Variants in CDYL observed in about 807,000 individuals in gnomAD.
CDYL encodes chromodomain Y like, also known as chromodomain Y-like protein.
CDYL carries 8 observed loss-of-function variants against 47.3 expected under a neutral mutation model. That is an observed-to-expected ratio of 0.17 (90% CI 0.10 to 0.31). The LOEUF (loss-of-function observed/expected upper bound fraction) is 0.31. Ranked by LOEUF, CDYL falls within the 10% of genes least tolerant of loss-of-function variation. The pLI, the probability that CDYL is intolerant of heterozygous loss-of-function variation, is 1.00. For synonymous variants in CDYL, 266 were observed against 265.0 expected, an observed-to-expected ratio of 1.00 and a Z score of -0.04; for missense variants, 471 against 701.4, an observed-to-expected ratio of 0.67 and a Z score of 3.71.
At chr6:4,949,675 A>G (rs1758637798) in intron 5 of CDYL, among the ~76,000 whole-genome samples, 1 of 152,220 alleles carries the variant, frequency 6.6e-6, no homozygotes, top group African/African-American at 2.4e-5. Context: ...ATCTGTGTGA[A>G]TCGGTTATTT....
intron 1 of CDYL, among the ~76,000 whole-genome samples, chr6:4,867,669 C>T (rs150067793): frequency 1.3e-5 from 2 of 151,898 alleles, no homozygotes; most frequent in African/African-American, 2.4e-5. Flanking sequence ...GGGATAAACT[C>T]TGCCTGGTCA....
At chr6:4,712,876 G>A (rs1407077840) in intron 1 of CDYL, among the ~76,000 whole-genome samples, 2 of 152,218 alleles carry the variant, frequency 1.3e-5, no homozygotes, top group Admixed American at 6.5e-5. Flanking sequence ...ATGTGAGCCT[G>A]GGCACTGTGG....
chr6:4,787,765 C>CT (rs70974136), intron 1 of CDYL, among the ~76,000 whole-genome samples: 35,412 of 69,514 alleles, frequency 0.51, 7,436 homozygotes, highest in East Asian at 0.65. Context: ...AAATTCAAGT[C>CT]TTTTTTTTTT....
chr6:4,927,972 C>T (rs954663935), intron 2 of CDYL, among the ~76,000 whole-genome samples: 1 of 152,276 alleles, frequency 6.6e-6, no homozygotes, highest in Admixed American at 6.5e-5. Context: ...CATGTATCCT[C>T]ATCATAGAAG....
At chr6:4,719,230 A>C (rs1315504168) in intron 2 of CDYL, among the ~76,000 whole-genome samples, 2 of 152,182 alleles carry the variant, frequency 1.3e-5, no homozygotes, top group African/African-American at 4.8e-5. Context: ...TCCACTTTTA[A>C]ATTGCTTTTA....
At chr6:4,780,285 A>G in intron 1 of CDYL, among the ~76,000 whole-genome samples, 1 of 145,400 alleles carries the variant, frequency 6.9e-6, no homozygotes, top group South Asian at 2.2e-4. Flanking sequence ...GCTGATGTGC[A>G]GTGGCTTCAT....
At chr6:4,931,527 C>T (rs1466953642) in intron 2 of CDYL, among the ~76,000 whole-genome samples, 2 of 152,090 alleles carry the variant, frequency 1.3e-5, no homozygotes, top group African/African-American at 4.8e-5. Flanking sequence ...GACATGAGAA[C>T]CCCGGGTGAT....
intron 5 of CDYL, among the ~76,000 whole-genome samples, chr6:4,951,109 A>G (rs1345464177): frequency 1.3e-5 from 2 of 152,102 alleles, no homozygotes; most frequent in Non-Finnish European, 2.9e-5. Flanking sequence ...AGACATTGAC[A>G]GAAGGTGTAT....
At chr6:4,847,455 G>A (rs1323237369) in intron 1 of CDYL, among the ~76,000 whole-genome samples, 1 of 152,098 alleles carries the variant, frequency 6.6e-6, no homozygotes. Context: ...CTCTAGCTGA[G>A]CATCTTGTGT....
At chr6:4,852,183 A>G (rs929583028) in intron 1 of CDYL, among the ~76,000 whole-genome samples, 2 of 152,156 alleles carry the variant, frequency 1.3e-5, no homozygotes, top group African/African-American at 4.8e-5. Context: ...CTGAATCTTC[A>G]GTGGGTGTTA....
At chr6:4,846,457 C>T (rs1295321078) in intron 1 of CDYL, among the ~76,000 whole-genome samples, 1 of 152,086 alleles carries the variant, frequency 6.6e-6, no homozygotes, top group Non-Finnish European at 1.5e-5. Flanking sequence ...ATGACAAAAT[C>T]ATTATAATAC....
intron 1 of CDYL, among the ~76,000 whole-genome samples, chr6:4,836,695 A>C (rs1760318893): frequency 6.6e-6 from 1 of 152,232 alleles, no homozygotes; most frequent in South Asian, 2.1e-4. Flanking sequence ...GAGGCAGAAA[A>C]GAACTGTTTA....
intron 1 of CDYL, among the ~76,000 whole-genome samples, chr6:4,825,240 G>C (rs1304259757): frequency 3.3e-5 from 5 of 152,114 alleles, no homozygotes; most frequent in South Asian, 2.1e-4. Context: ...CTAGTATATA[G>C]AAACACTCTG....
At chr6:4,872,253 C>G (rs1400246841) in intron 1 of CDYL, among the ~76,000 whole-genome samples, 1 of 151,434 alleles carries the variant, frequency 6.6e-6, no homozygotes, top group Non-Finnish European at 1.5e-5. Flanking sequence ...ACCTTTACAC[C>G]AAGAGCTTAC....
At chr6:4,868,365 T>C (rs1160872879) in intron 1 of CDYL, among the ~76,000 whole-genome samples, 1 of 152,018 alleles carries the variant, frequency 6.6e-6, no homozygotes, top group African/African-American at 2.4e-5. Context: ...ACTGATGGCT[T>C]CTTTTTTAGA....
chr6:4,869,828 T>C lies in CDYL; in HGVS notation c.25-21885T>C, dbSNP rs189100851. Among the ~76,000 whole-genome samples, 51 of 152,320 alleles carry C rather than the reference T, an allele frequency of 3.3e-4. 1 individual carries two copies. The highest frequency in any genetic ancestry group is 3.1e-3 in the Admixed American group (47 of 15,298). On this transcript the variant is annotated intron_variant, in intron 1 of 6. Transcript: ENST00000397588. ...GTAATTAATGCTTTATACAATGTTA[T>C]GTCATTTAAATAAAGAGAAGAAGCA...
At chr6:4,734,239 AACT>A (rs1433814969) in intron 2 of CDYL, among the ~76,000 whole-genome samples, 1 of 131,706 alleles carries the variant, frequency 7.6e-6, no homozygotes, top group African/African-American at 2.7e-5. Context: ...CTGACAGTCA[AACT>A]CTCTCTCTGG....
At chr6:4,753,185 GA>G (rs1436339519) in intron 3 of CDYL, among the ~76,000 whole-genome samples, 1 of 152,160 alleles carries the variant, frequency 6.6e-6, no homozygotes, top group Non-Finnish European at 1.5e-5. Context: ...GTGGGGGATG[GA>G]AAGCATGAGC....
At chr6:4,710,366 AGGG>A (rs1489412003) in intron 1 of CDYL, among the ~76,000 whole-genome samples, 11 of 114,426 alleles carry the variant, frequency 9.6e-5, no homozygotes, top group Admixed American at 6.1e-4. Context: ...GGAGGGAAGG[AGGG>A]AGGGAGGGAG....
Sources: allele counts gnomAD v4.1 joint callset (sites outside exome capture counted in the v4.1 genomes callset), GRCh38; gene constraint gnomAD v4.1.1; transcripts MANE v1.5; gene names NCBI Gene and HGNC (gene_info 2026-07-23, HGNC 2026-07-21).